Variants in DAGLA observed in about 807,000 individuals in gnomAD.
DAGLA encodes the protein diacylglycerol lipase-alpha.
Under a neutral mutation model 102.6 loss-of-function variants are expected in DAGLA, and 22 were observed. That is an observed-to-expected ratio of 0.21 (90% confidence interval 0.15 to 0.31). DAGLA has a LOEUF of 0.31. Among genes scored for constraint, DAGLA ranks in the 10% least tolerant of loss-of-function variants. DAGLA has a pLI of 1.00. For synonymous variants in DAGLA, 578 were observed against 628.9 expected, an observed-to-expected ratio of 0.92 and a Z score of 1.21; for missense variants, 927 against 1,446.6, an observed-to-expected ratio of 0.64 and a Z score of 5.83.
intron 5 of DAGLA, among the ~76,000 whole-genome samples, chr11:61,725,446 A>G (rs2065317285): frequency 6.6e-6 from 1 of 152,196 alleles, no homozygotes; most frequent in Non-Finnish European, 1.5e-5. Flanking sequence ...TGGGAAATGC[A>G]GAGCCTTACT....
chr11:61,684,330 G>A lies in DAGLA; in HGVS notation c.-45+3826G>A, dbSNP rs570808479. On this transcript the variant is annotated intron_variant, in intron 1 of 19. Coordinates refer to ENST00000257215, the MANE Select transcript of DAGLA (RefSeq NM_006133.3). The surrounding 1 kb of genome is among the most constrained non-coding windows in gnomAD (Gnocchi z 4.5). ...AGGAAGATAAATCTTTTAGAACCGC[G>A]GAGCCCAGGACATTGCAGGATGCGG... Among the ~76,000 whole-genome samples, 5 of 152,324 alleles carry A rather than the reference G, an allele frequency of 3.3e-5. No homozygotes were observed. Among genetic ancestry groups the A allele is most frequent in the South Asian group, 2.1e-4 (1 of 4,828 alleles).
At chr11:61,692,285 G>A (rs1246825964) in intron 1 of DAGLA, among the ~76,000 whole-genome samples, 5 of 152,126 alleles carry the variant, frequency 3.3e-5, no homozygotes, top group Non-Finnish European at 7.4e-5. Context: ...TCGCTGGGAG[G>A]GGAGCCTGCA....
intron 1 of DAGLA, among the ~76,000 whole-genome samples, chr11:61,705,806 C>T (rs2065144621): frequency 6.6e-6 from 1 of 152,216 alleles, no homozygotes; most frequent in African/African-American, 2.4e-5. Context: ...GTTCACACCA[C>T]CCAGGGCCCA....
At chr11:61,731,243 T>G (rs773823731) in intron 8 of DAGLA, 74 bp from the exon 9 acceptor site, 286 of 1,582,928 alleles carry the variant, frequency 1.8e-4, no homozygotes, top group Non-Finnish European at 2.3e-4. Flanking sequence ...GCTCCCACCC[T>G]GGGGAACTGC....
At chr11:61,735,703 T>G (rs756813261) in intron 11 of DAGLA, 36 bp from the exon 12 acceptor site, 1 of 1,612,914 alleles carries the variant, frequency 6.2e-7, no homozygotes, top group Admixed American at 1.7e-5. Context: ...CCTGTCCTCT[T>G]TAGCCGCCCC....
At chr11:61,681,020 A>G (rs1160733296) in intron 1 of DAGLA, among the ~76,000 whole-genome samples, 4 of 152,150 alleles carry the variant, frequency 2.6e-5, no homozygotes, top group South Asian at 4.1e-4. Context: ...TGTTCTCAGC[A>G]TGGCTAGAGT....
intron 1 of DAGLA, among the ~76,000 whole-genome samples, chr11:61,696,915 G>A (rs2065071857): frequency 1.3e-5 from 2 of 152,042 alleles, no homozygotes; most frequent in Non-Finnish European, 2.9e-5. Flanking sequence ...GATGGGAGGT[G>A]TGGATCTGGG....
Position 61,741,301 on chromosome 11 carries a change from G to A in DAGLA, c.2123G>A (p.Gly708Asp). Residue 708 changes from glycine (G) to aspartate (D), a missense_variant, in exon 19 of 20, where the codon GGC (glycine) becomes GAC (aspartate). By Grantham distance (94) the Gly-to-Asp change is moderately conservative. This residue lies in a region of DAGLA where 434 missense variants were observed against 503.3 expected (regional missense o/e 0.86). Transcript: ENST00000257215. The part of the protein sequence containing the change: ...PLPTGPPMPT[G>D]LALELPTADH... ...CCCACGGGGCCGCCCATGCCCACTG[G>A]CCTTGCCCTGGAGCTGCCGACTGCA... 1 of 1,612,106 alleles carries A rather than the reference G, an allele frequency of 6.2e-7. No individual in the cohort carries two copies.
chr11:61,706,927 T>C (rs2065155348), intron 1 of DAGLA, among the ~76,000 whole-genome samples: 1 of 152,262 alleles, frequency 6.6e-6, no homozygotes, highest in Non-Finnish European at 1.5e-5. Flanking sequence ...TTAGCACTGC[T>C]GGTCTCTCTC....
At chr11:61,741,864 A>G (rs1291670305) in intron 19 of DAGLA, among the ~76,000 whole-genome samples, 4 of 152,172 alleles carry the variant, frequency 2.6e-5, no homozygotes, top group Non-Finnish European at 5.9e-5. Flanking sequence ...TGCCCGCCTC[A>G]GCCTCCCAAA....
At chr11:61,721,038 T>G in intron 3 of DAGLA, 148 bp downstream of exon 3, 2 of 755,486 alleles carry the variant, frequency 2.6e-6, no homozygotes, top group Non-Finnish European at 4.3e-6. Flanking sequence ...TAGCTTACAT[T>G]CTAGACTAGG....
chr11:61,720,932 C>G (rs779297838), intron 3 of DAGLA, 42 bp downstream of exon 3: 1 of 1,569,796 alleles, frequency 6.4e-7, no homozygotes, highest in Admixed American at 1.7e-5. Flanking sequence ...AGACAACTCC[C>G]ACCTCTCCAT....
chr11:61,703,848 G>A (rs949231256), intron 1 of DAGLA, among the ~76,000 whole-genome samples: 4 of 152,230 alleles, frequency 2.6e-5, no homozygotes, highest in South Asian at 4.1e-4. Flanking sequence ...AAAGTTTTAC[G>A]TGACATGGGA....
intron 1 of DAGLA, among the ~76,000 whole-genome samples, chr11:61,704,760 A>G (rs1319775124): frequency 2.6e-5 from 4 of 152,226 alleles, no homozygotes; most frequent in Non-Finnish European, 5.9e-5. Context: ...GATGACTGGC[A>G]TACAGAGACC....
At chr11:61,709,088 T>C (rs2065173633) in intron 1 of DAGLA, among the ~76,000 whole-genome samples, 1 of 152,258 alleles carries the variant, frequency 6.6e-6, no homozygotes, top group African/African-American at 2.4e-5. Flanking sequence ...GTGATCATTG[T>C]GTGAGCTCAG....
chr11:61,718,553 C>T (rs2065255668), intron 1 of DAGLA, among the ~76,000 whole-genome samples: 1 of 152,070 alleles, frequency 6.6e-6, no homozygotes, highest in African/African-American at 2.4e-5. Context: ...CCACATGTCA[C>T]AGGCACTGCT....
At chr11:61,687,418 C>G (rs962818172) in intron 1 of DAGLA, among the ~76,000 whole-genome samples, 1 of 152,118 alleles carries the variant, frequency 6.6e-6, no homozygotes, top group Non-Finnish European at 1.5e-5. Flanking sequence ...CTGCAACCTC[C>G]GCCTCCTGGT....
chr11:61,713,860 A>C (rs768246767), intron 1 of DAGLA, among the ~76,000 whole-genome samples: 9 of 152,158 alleles, frequency 5.9e-5, no homozygotes, highest in Non-Finnish European at 1.2e-4. Context: ...GCACATTCAA[A>C]ATCGGATGGA....
At chr11:61,713,977 G>A (rs1284659056) in intron 1 of DAGLA, among the ~76,000 whole-genome samples, 1 of 152,166 alleles carries the variant, frequency 6.6e-6, no homozygotes, top group Non-Finnish European at 1.5e-5. Context: ...CATGGAAATG[G>A]GAGTCCTGGG....
Sources: allele counts gnomAD v4.1 joint callset (sites outside exome capture counted in the v4.1 genomes callset), GRCh38; gene constraint gnomAD v4.1.1; regional missense constraint gnomAD v4.1.1; non-coding constraint Gnocchi (gnomAD v3.1); transcripts MANE v1.5; gene names NCBI Gene and HGNC (gene_info 2026-07-23, HGNC 2026-07-21).